Variants in XIRP2 observed in about 807,000 individuals in gnomAD.
The protein encoded by XIRP2 is xin actin binding repeat containing 2, also known as xin actin-binding repeat-containing protein 2.
Under a neutral mutation model 277.0 loss-of-function variants are expected in XIRP2, and 236 were observed. The observed-to-expected ratio is 0.85, with a 90% CI of 0.77 to 0.95. The LOEUF (loss-of-function observed/expected upper bound fraction) is 0.95. Among genes scored for constraint, XIRP2 ranks in the 40% least tolerant of loss-of-function variants. XIRP2 has a pLI of 0.00. For synonymous variants in XIRP2, 1,490 were observed against 1,416.5 expected (o/e 1.05, Z -1.17); for missense variants, 4,640 against 4,157.5 (o/e 1.12, Z -3.19).
intron 3 of XIRP2, chr2:167,140,919 T>A (rs762491100): frequency 2.0e-5 from 3 of 152,204 alleles, no homozygotes; most frequent in Non-Finnish European, 4.4e-5. Context: ...CAGAGTTAAG[T>A]CATGGCCCAG....
Position 166,977,230 on chromosome 2 carries a change from T to C in XIRP2, c.408+73340T>C, listed in dbSNP as rs536087203. On this transcript the variant is annotated intron_variant, in intron 2 of 10. Transcript: ENST00000409195. ...GCAAGCATTTGTCTTGCTTGAACTT[T>C]GCTGAGCTTGAAATAAAGTTTCTTG... Among the ~76,000 whole-genome samples the C allele has an allele frequency of 1.7e-4, 26 of 152,316 alleles. No homozygotes were observed. In the East Asian group the frequency reaches 5.0e-3, roughly 29 times the overall value.
intron 2 of XIRP2, among the ~76,000 whole-genome samples, chr2:166,918,512 AAATT>A (rs1431847196): frequency 2.0e-5 from 3 of 152,136 alleles, no homozygotes; most frequent in Admixed American, 1.3e-4. Context: ...GGTATTTGTT[AAATT>A]AATTCAGCCA....
At chr2:167,009,213 C>A (rs1221839388) in intron 2 of XIRP2, among the ~76,000 whole-genome samples, 1 of 107,480 alleles carries the variant, frequency 9.3e-6, no homozygotes, top group African/African-American at 3.5e-5. Context: ...TCCCTCCCCC[C>A]TCCCCCCACC....
At chr2:166,953,180 A>G (rs1460474004) in intron 2 of XIRP2, among the ~76,000 whole-genome samples, 1 of 151,916 alleles carries the variant, frequency 6.6e-6, no homozygotes, top group African/African-American at 2.4e-5. Flanking sequence ...TGTACGTTGT[A>G]ACTGTCTCTT....
At chr2:167,088,630 A>G (rs565126134) in intron 2 of XIRP2, among the ~76,000 whole-genome samples, 4 of 152,288 alleles carry the variant, frequency 2.6e-5, no homozygotes, top group South Asian at 4.1e-4. Flanking sequence ...CACAGGGCCA[A>G]TGGCTTTTCC....
Position 167,120,675 on chromosome 2 carries a change from C to T in XIRP2, c.409-15234C>T, listed in dbSNP as rs566823578. ...TTAGAAGGCTCTGTCTTATATAAAG[C>T]GTGGACAGCCAGAAGCTTCATGAGA... On this transcript the variant is annotated intron_variant, in intron 2 of 10. Coordinates refer to ENST00000409195, the MANE Select transcript of XIRP2 (RefSeq NM_152381.6). Among the ~76,000 whole-genome samples the T allele has an allele frequency of 1.2e-4, 18 of 152,168 alleles. No homozygotes were observed. In the South Asian group the frequency reaches 2.5e-3, roughly 21 times the overall value.
intron 2 of XIRP2, among the ~76,000 whole-genome samples, chr2:167,103,102 A>G (rs563350224): frequency 2.6e-5 from 4 of 152,076 alleles, no homozygotes; most frequent in Non-Finnish European, 4.4e-5. Flanking sequence ...TCGCGCCACT[A>G]CACTCCAGCC....
intron 2 of XIRP2, among the ~76,000 whole-genome samples, chr2:167,109,819 C>T (rs1690705545): frequency 6.6e-6 from 1 of 152,182 alleles, no homozygotes; most frequent in South Asian, 2.1e-4. Context: ...CTTTTCTCCA[C>T]TACCTCATCA....
chr2:167,056,017 T>C (rs1014163612), intron 2 of XIRP2, among the ~76,000 whole-genome samples: 1 of 152,194 alleles, frequency 6.6e-6, no homozygotes, highest in Non-Finnish European at 1.5e-5. Context: ...TACCTTCTTT[T>C]TCATCTTATT....
chr2:166,895,272 A>T (rs1287725375), intron 1 of XIRP2, among the ~76,000 whole-genome samples: 1 of 152,148 alleles, frequency 6.6e-6, no homozygotes, highest in Non-Finnish European at 1.5e-5. Context: ...CTGATGCTTC[A>T]TTTCAGGTCA....
chr2:167,242,470 C>A, intron 8 of XIRP2, 99 bp from the exon 9 acceptor site: 1 of 1,248,222 alleles, frequency 8.0e-7, no homozygotes, highest in Non-Finnish European at 1.1e-6. Context: ...ATGGAGATAT[C>A]ATAGGAGGGT....
chr2:167,227,531 T>G (rs988657934), intron 5 of XIRP2, among the ~76,000 whole-genome samples: 2 of 151,828 alleles, frequency 1.3e-5, no homozygotes, highest in Non-Finnish European at 2.9e-5. Context: ...CAAAACCCCA[T>G]CTCTACAAAA....
At chr2:166,905,701 T>C (rs1236968793) in intron 2 of XIRP2, among the ~76,000 whole-genome samples, 1 of 151,884 alleles carries the variant, frequency 6.6e-6, no homozygotes, top group Non-Finnish European at 1.5e-5. Flanking sequence ...TTAGAATCAG[T>C]TCACAAAAAA....
At chr2:167,233,211 A>G (rs931775147) in intron 5 of XIRP2, among the ~76,000 whole-genome samples, 17 of 151,974 alleles carry the variant, frequency 1.1e-4, no homozygotes, top group African/African-American at 3.9e-4. Flanking sequence ...GTAAAACAGC[A>G]TGATATATTT....
intron 3 of XIRP2, among the ~76,000 whole-genome samples, chr2:167,175,410 T>C (rs1056113149): frequency 3.3e-5 from 5 of 152,156 alleles, no homozygotes; most frequent in Non-Finnish European, 7.4e-5. Context: ...GCAGGTGTGC[T>C]GGAGTTTGCT....
intron 2 of XIRP2, among the ~76,000 whole-genome samples, chr2:166,962,699 T>A (rs570646777): frequency 2.5e-4 from 38 of 151,916 alleles, no homozygotes; most frequent in African/African-American, 8.7e-4. Context: ...CCAATGTCAG[T>A]AATGGCAGGA....
At chr2:166,909,817 A>C (rs1380789304) in intron 2 of XIRP2, among the ~76,000 whole-genome samples, 1 of 151,912 alleles carries the variant, frequency 6.6e-6, no homozygotes, top group Admixed American at 6.6e-5. Flanking sequence ...TTGATTTAGC[A>C]TGAAGTGCTG....
At chr2:167,021,856 T>A (rs1394701129) in intron 2 of XIRP2, among the ~76,000 whole-genome samples, 1 of 152,020 alleles carries the variant, frequency 6.6e-6, no homozygotes, top group Non-Finnish European at 1.5e-5. Context: ...ATTGCCGTTA[T>A]AAAAATAATT....
rs376250377 is a variant in XIRP2, at chr2:167,075,879, T to C, written c.409-60030T>C. ...TGTTGGCCAGGTGGGTTTCGCCATG[T>C]TGGCCAGGCTTGTCTCGAACTTCTG... On this transcript the variant is annotated intron_variant, in intron 2 of 10. Coordinates refer to ENST00000409195, the MANE Select transcript of XIRP2 (RefSeq NM_152381.6). Among the ~76,000 whole-genome samples the C allele has an allele frequency of 1.2e-3, 179 of 152,036 alleles. 1 individual carries two copies. Among genetic ancestry groups the C allele is most frequent in the African/African-American group, 4.1e-3 (171 of 41,468 alleles).
Sources: gnomAD v4.1 joint callset for allele counts (sites outside exome capture counted in the v4.1 genomes callset) on GRCh38, gnomAD v4.1.1 for gene constraint, MANE v1.5 for transcripts, NCBI Gene and HGNC (gene_info 2026-07-23, HGNC 2026-07-21) for gene names.